CCDC171: variants seen among roughly 807,000 people sequenced by gnomAD.
CCDC171 encodes the protein coiled-coil domain-containing protein 171.
CCDC171 carries 177 observed loss-of-function variants against 168.2 expected under a neutral mutation model. That is an observed-to-expected ratio of 1.05 (90% CI 0.93 to 1.19). The LOEUF (loss-of-function observed/expected upper bound fraction) is 1.19, where lower values mean the gene tolerates loss of function less well. Among genes scored for constraint, CCDC171 ranks in the 50% most tolerant of loss-of-function variants. The pLI is 0.00. For missense variants in CCDC171, 1,991 were observed against 1,539.0 expected (o/e 1.29, Z -4.91); for synonymous variants, 687 against 540.8 (o/e 1.27, Z -3.75).
intron 21 of CCDC171, among the ~76,000 whole-genome samples, chr9:15,791,038 C>T (rs557918689): frequency 6.6e-6 from 1 of 152,274 alleles, no homozygotes; most frequent in South Asian, 2.1e-4. Context: ...CGTGATGCCT[C>T]CAGCTTTGTT....
At chr9:15,633,884 T>C (rs1005023540) in intron 7 of CCDC171, among the ~76,000 whole-genome samples, 2 of 152,222 alleles carry the variant, frequency 1.3e-5, no homozygotes, top group Admixed American at 6.5e-5. Context: ...GGGACATGGA[T>C]GAAATTGGAA....
At chr9:15,846,319 C>T (rs1472690523) in intron 21 of CCDC171, among the ~76,000 whole-genome samples, 2 of 151,936 alleles carry the variant, frequency 1.3e-5, no homozygotes, top group Non-Finnish European at 2.9e-5. Context: ...TAGTTCTTAA[C>T]TCTAATTCTA....
At chr9:16,026,157 AC>A (rs1337719316) in intron 6 of CCDC171, among the ~76,000 whole-genome samples, 1 of 151,976 alleles carries the variant, frequency 6.6e-6, no homozygotes, top group African/African-American at 2.4e-5. Flanking sequence ...AACCCATCTC[AC>A]CCCTCACAGA....
intron 7 of CCDC171, among the ~76,000 whole-genome samples, chr9:15,648,436 G>T (rs200934333): frequency 3.8e-4 from 58 of 152,220 alleles, no homozygotes; most frequent in Admixed American, 5.2e-4. Flanking sequence ...GGTATTCAAT[G>T]AGGAAAAGAG....
chr9:15,666,057 G>C, intron 8 of CCDC171, 106 bp from the exon 9 acceptor site: 1 of 946,222 alleles, frequency 1.1e-6, no homozygotes, highest in Non-Finnish European at 1.6e-6. Context: ...AAAGAAAGAA[G>C]TGCTTGGATG....
chr9:15,945,651 T>C (rs1828264727), intron 25 of CCDC171, among the ~76,000 whole-genome samples: 1 of 146,138 alleles, frequency 6.8e-6, no homozygotes, highest in African/African-American at 2.4e-5. Flanking sequence ...CATTTTTTCA[T>C]GTGTTTTTTG....
intron 23 of CCDC171, among the ~76,000 whole-genome samples, chr9:15,861,614 A>T (rs1289033906): frequency 1.3e-5 from 2 of 151,962 alleles, no homozygotes; most frequent in African/African-American, 4.8e-5. Context: ...AACTTTAATC[A>T]CATGCAAAAA....
At chr9:15,905,531 A>T (rs910305669) in intron 24 of CCDC171, among the ~76,000 whole-genome samples, 2 of 152,214 alleles carry the variant, frequency 1.3e-5, no homozygotes, top group African/African-American at 2.4e-5. Context: ...CAGTGTGTAG[A>T]GGGAAGTTTA....
chr9:16,108,746 A>G, the CCDC171 span, among the ~76,000 whole-genome samples: 2 of 152,208 alleles, frequency 1.3e-5, no homozygotes, highest in African/African-American at 4.8e-5. Context: ...CCCTGACTGA[A>G]AATATTTGGG....
Position 16,060,996 on chromosome 9 carries a change from A to G in CCDC171, n.440A>G, listed in dbSNP as rs190069129. 4.6e-5 allele frequency: 7 copies of G among 152,316 alleles called. No homozygotes were observed. The South Asian group carries it at 8.3e-4, about 18-fold the overall frequency. The allele number at this position is 152,316 out of a possible 1,614,324, so 9.4% of individuals were successfully genotyped here. A position where few individuals can be genotyped will look rare whatever the true frequency, so the allele number is the denominator to read the frequency against. Reference sequence around the variant, plus strand: ...ACCTGCAGTTTTTCCATTTGAGTGTAATTCTGTTGGACCTTGAAAGACTTT... The same window carrying G: ...ACCTGCAGTTTTTCCATTTGAGTGTGATTCTGTTGGACCTTGAAAGACTTT... On this transcript the variant is annotated non_coding_transcript_exon_variant, in exon 2 of 2. Coordinates refer to the CCDC171 transcript ENST00000478913.
intron 2 of CCDC171, among the ~76,000 whole-genome samples, chr9:15,566,557 T>TCAA (rs373782496): frequency 1.1e-4 from 16 of 152,156 alleles, no homozygotes; most frequent in South Asian, 4.1e-4. Flanking sequence ...AGACTTTGTC[T>TCAA]CAACAACAAC....
chr9:15,705,835 A>G (rs1296489298), intron 11 of CCDC171, among the ~76,000 whole-genome samples: 1 of 152,234 alleles, frequency 6.6e-6, no homozygotes, highest in Non-Finnish European at 1.5e-5. Flanking sequence ...CAAAACAGTC[A>G]CTCAAAAAGT....
intron 7 of CCDC171, among the ~76,000 whole-genome samples, chr9:15,643,079 T>G (rs7031365): frequency 0.46 from 69,346 of 151,858 alleles, 16,122 homozygotes; most frequent in Non-Finnish European, 0.51. Context: ...AAAAAATTTA[T>G]TTCCATAGGT....
chr9:15,610,870 TTC>T (rs2043632879), intron 6 of CCDC171, among the ~76,000 whole-genome samples: 2 of 152,176 alleles, frequency 1.3e-5, no homozygotes. Flanking sequence ...GGTCTTTATT[TTC>T]TCTGAGTGTT....
intron 24 of CCDC171, chr9:15,886,069 C>T (rs1264068288): frequency 6.6e-6 from 1 of 151,990 alleles, no homozygotes; most frequent in South Asian, 2.1e-4. Context: ...TTTAGGATAT[C>T]CACATGCAAA....
the CCDC171 span, among the ~76,000 whole-genome samples, chr9:16,067,655 G>A: frequency 6.6e-6 from 1 of 152,154 alleles, no homozygotes; most frequent in Admixed American, 6.5e-5. Context: ...TGTAAGGAAG[G>A]GATCCAGTTT....
At chr9:15,553,938 T>G (rs942960678) in intron 1 of CCDC171, among the ~76,000 whole-genome samples, 2 of 152,180 alleles carry the variant, frequency 1.3e-5, no homozygotes, top group African/African-American at 4.8e-5. Context: ...TTTATTAGAG[T>G]TGGTGTCCAG....
chr9:15,784,871 G>A (rs112143859), intron 21 of CCDC171, among the ~76,000 whole-genome samples, 177 bp downstream of exon 21: 3,042 of 152,186 alleles, frequency 0.02, 55 homozygotes, highest in Middle Eastern at 0.037. Flanking sequence ...CACATGCATC[G>A]AGAAGGTAAA....
At chr9:15,744,947 A>G (rs1383802793) in intron 17 of CCDC171, among the ~76,000 whole-genome samples, 170 bp downstream of exon 17, 1 of 152,242 alleles carries the variant, frequency 6.6e-6, no homozygotes, top group Non-Finnish European at 1.5e-5. Flanking sequence ...ATATTTTTGT[A>G]TAAATTAGGC....
Sources: allele counts gnomAD v4.1 joint callset (sites outside exome capture counted in the v4.1 genomes callset), GRCh38; gene constraint gnomAD v4.1.1; transcripts MANE v1.5; gene names NCBI Gene and HGNC (gene_info 2026-07-23, HGNC 2026-07-21).